The following OSBPL6 variants were observed in gnomAD, a reference collection of about 807,000 sequenced individuals.
OSBPL6 encodes the protein oxysterol binding protein like 6, also known as oxysterol-binding protein-related protein 6.
In OSBPL6, 49 loss-of-function variants were observed where a neutral mutation model predicts 125.8. That is an observed-to-expected ratio of 0.39 (90% confidence interval 0.31 to 0.49). The LOEUF is 0.49. Among genes scored for constraint, OSBPL6 ranks in the 20% least tolerant of loss-of-function variants. OSBPL6 has a pLI of 0.88. For missense variants in OSBPL6, 986 were observed against 1,135.4 expected (o/e 0.87, Z 1.89); for synonymous variants, 394 against 391.8 (o/e 1.01, Z -0.07).
At chr2:178,217,812 T>C (rs1387433548) in intron 1 of OSBPL6, among the ~76,000 whole-genome samples, 1 of 152,222 alleles carries the variant, frequency 6.6e-6, no homozygotes, top group Non-Finnish European at 1.5e-5. Flanking sequence ...GGAGCCGCCA[T>C]CTTGAACATG....
chr2:178,205,952 G>T (rs1288344349), intron 1 of OSBPL6, among the ~76,000 whole-genome samples: 2 of 152,138 alleles, frequency 1.3e-5, no homozygotes, highest in Non-Finnish European at 1.5e-5. Context: ...TATTAATTTT[G>T]CCTTTTTTGA....
chr2:178,369,263 C>T (rs1471966611), intron 13 of OSBPL6, among the ~76,000 whole-genome samples: 1 of 152,178 alleles, frequency 6.6e-6, no homozygotes, highest in Admixed American at 6.5e-5. Context: ...CCAAAGTAAA[C>T]TTTGCATAGA....
At chr2:178,335,925 T>G (rs1670308966) in intron 8 of OSBPL6, among the ~76,000 whole-genome samples, 1 of 152,182 alleles carries the variant, frequency 6.6e-6, no homozygotes, top group African/African-American at 2.4e-5. Flanking sequence ...GTCATAAGGG[T>G]ACAGAAACCT....
chr2:178,278,091 ACTT>A (rs2092507181), intron 1 of OSBPL6, among the ~76,000 whole-genome samples: 1 of 151,964 alleles, frequency 6.6e-6, no homozygotes, highest in Non-Finnish European at 1.5e-5. Flanking sequence ...ATTTTCATAT[ACTT>A]TTCTCACTGT....
At chr2:178,393,364 G>A (rs576571837) in intron 23 of OSBPL6, among the ~76,000 whole-genome samples, 1 of 152,250 alleles carries the variant, frequency 6.6e-6, no homozygotes, top group African/African-American at 2.4e-5. Context: ...CTGATTCTTA[G>A]TTTTTTATTC....
In OSBPL6 at chr2:178,258,161, C is replaced by T. The variant is rs189197810; in HGVS notation, c.-350-26766C>T. ...TGTCACCCAGGCTGGAGTGCAGTGG[C>T]GCGATCTTGGCTCACCATGGCCTCC... On this transcript the variant is annotated intron_variant, in intron 1 of 24. Transcript: ENST00000190611. Among the ~76,000 whole-genome samples the T allele has an allele frequency of 6.0e-3, 914 of 151,470 alleles. 11 individuals are homozygous for T. Among genetic ancestry groups the T allele is most frequent in the African/African-American group, 0.021 (872 of 41,264 alleles).
chr2:178,274,126 G>A (rs1342451850), intron 1 of OSBPL6, among the ~76,000 whole-genome samples: 3 of 152,148 alleles, frequency 2.0e-5, no homozygotes, highest in Admixed American at 1.3e-4. Context: ...CCTATAGTGT[G>A]CCTTGGAAAT....
At chr2:178,365,946 G>A (rs541285428) in intron 13 of OSBPL6, among the ~76,000 whole-genome samples, 2 of 152,098 alleles carry the variant, frequency 1.3e-5, no homozygotes, top group African/African-American at 2.4e-5. Context: ...TTTGGAGTGA[G>A]GTGACACAGT....
chr2:178,331,352 T>G (rs1283710887), intron 5 of OSBPL6, among the ~76,000 whole-genome samples, 200 bp from the exon 6 acceptor site: 3 of 152,208 alleles, frequency 2.0e-5, no homozygotes, highest in African/African-American at 7.2e-5. Context: ...AGAATCTTGG[T>G]AGGTTAACAG....
intron 1 of OSBPL6, among the ~76,000 whole-genome samples, chr2:178,260,619 TAGGCCTTTTCAG>T (rs892683786): frequency 2.6e-5 from 4 of 152,212 alleles, no homozygotes; most frequent in South Asian, 2.1e-4. Flanking sequence ...TCATTATTTC[TAGGCCTTTTCAG>T]AGGATAAAGT....
chr2:178,233,786 CGTT>C (rs964718237), intron 1 of OSBPL6, among the ~76,000 whole-genome samples: 17 of 152,140 alleles, frequency 1.1e-4, no homozygotes, highest in African/African-American at 3.6e-4. Context: ...CCACCTCATG[CGTT>C]GTTGTGAATG....
At position 178,332,982 on chromosome 2, in the gene OSBPL6, C is replaced by G. The variant is rs868428618; in HGVS notation, c.598C>G (p.Pro200Ala). Residue 200 changes from proline (P) to alanine (A), a missense_variant, in exon 8 of 25, where the codon CCT becomes GCT. By Grantham distance (27) the Pro-to-Ala change is conservative. Transcript: ENST00000190611. ...SPRDASFHIF[P>A]STSTAESSPA... is the part of the protein sequence containing the mutation. The stretch of plus-strand genomic sequence containing the variant: ...AAGAGATGCTAGTTTTCACATATTT[C>G]CTTCAACGTCCACAGCTGAATCCTC... 1 of 1,614,148 alleles carries G rather than the reference C, an allele frequency of 6.2e-7. No individual in the cohort carries two copies. Among genetic ancestry groups the G allele is most frequent in the Non-Finnish European group, 8.5e-7 (1 of 1,180,018 alleles).
chr2:178,346,969 C>T (rs1464645183), intron 11 of OSBPL6, among the ~76,000 whole-genome samples: 1 of 152,186 alleles, frequency 6.6e-6, no homozygotes, highest in African/African-American at 2.4e-5. Context: ...TTGAATGGAA[C>T]ATTCAAGTCT....
intron 2 of OSBPL6, among the ~76,000 whole-genome samples, chr2:178,291,324 T>G (rs1685241406): frequency 6.6e-6 from 1 of 152,156 alleles, no homozygotes; most frequent in South Asian, 2.1e-4. Context: ...GGAGTGACAG[T>G]GGGATGATTG....
Position 178,339,681 on chromosome 2 carries a change from G to A in OSBPL6, c.904G>A (p.Val302Ile), listed in dbSNP as rs140502813. ...PNFTDMQANC[V>I]DISKKDKRVT... ...TATTTGTGTAATGTAGGCTAACTGTGTAGATATTTCAAAGAAAGACAAGCG... is the reference window on the plus strand; with the variant it reads ...TATTTGTGTAATGTAGGCTAACTGTATAGATATTTCAAAGAAAGACAAGCG... Residue 302 changes from valine to isoleucine, a missense_variant, in exon 11 of 25, where the codon GTA becomes ATA. Around this residue, in one of 3 missense-constraint regions of OSBPL6, gnomAD observed 843 missense variants for 997.3 expected, o/e 0.85. Transcript: ENST00000190611. 3.1e-6 allele frequency: 5 copies of A among 1,604,444 alleles called. No individual in the cohort carries two copies. Among genetic ancestry groups the A allele is most frequent in the Non-Finnish European group, 3.4e-6 (4 of 1,176,062 alleles).
At chr2:178,255,959 CCT>C (rs2091874085) in intron 1 of OSBPL6, among the ~76,000 whole-genome samples, 2 of 152,138 alleles carry the variant, frequency 1.3e-5, no homozygotes, top group Non-Finnish European at 2.9e-5. Flanking sequence ...TGTGGTTTGA[CCT>C]TGATAACTGA....
At position 178,397,509 on chromosome 2, in the gene OSBPL6, T is replaced by G. The variant is rs1476205428; in HGVS notation, c.*1950T>G. On this transcript the variant is annotated 3_prime_UTR_variant, in exon 25 of 25. Coordinates refer to ENST00000190611, the MANE Select transcript of OSBPL6 (RefSeq NM_032523.4). Reference sequence around the variant, plus strand: ...ATGTCGTTAATTTTAATAAGAATCCTATTGACTTCCTCACGGGAGTCTGTT... The same window carrying G: ...ATGTCGTTAATTTTAATAAGAATCCGATTGACTTCCTCACGGGAGTCTGTT... 2.0e-5 allele frequency: 3 copies of G among 152,236 alleles called. No homozygotes were observed. The highest frequency in any genetic ancestry group is 4.4e-5 in the Non-Finnish European group (3 of 68,048). 9.4% of individuals were successfully genotyped at this position (152,236 alleles called of 1,614,324 possible). A position where few individuals can be genotyped will look rare whatever the true frequency, so the allele number is the denominator to read the frequency against.
intron 11 of OSBPL6, among the ~76,000 whole-genome samples, chr2:178,348,261 C>T (rs1690916060): frequency 6.6e-6 from 1 of 152,172 alleles, no homozygotes; most frequent in African/African-American, 2.4e-5. Context: ...GTCAGTTACA[C>T]AAAATTTCAA....
At chr2:178,308,359 C>G (rs914298642) in intron 3 of OSBPL6, among the ~76,000 whole-genome samples, 1 of 152,178 alleles carries the variant, frequency 6.6e-6, no homozygotes, top group Non-Finnish European at 1.5e-5. Context: ...TGTGTGATAA[C>G]TGTTTTCATA....
Sources: gnomAD v4.1 joint callset for allele counts (sites outside exome capture counted in the v4.1 genomes callset) on GRCh38, gnomAD v4.1.1 for gene constraint, gnomAD v4.1.1 regional missense constraint, MANE v1.5 for transcripts, NCBI Gene and HGNC (gene_info 2026-07-23, HGNC 2026-07-21) for gene names.